The following WDR49 variants were observed in gnomAD, a reference collection of about 807,000 sequenced individuals.
WDR49 encodes the protein WD repeat domain 49, also known as cilia- and flagella-associated protein 337.
Under a neutral mutation model 119.5 loss-of-function variants are expected in WDR49, and 107 were observed. The observed-to-expected ratio is 0.90, with a 90% CI of 0.77 to 1.05. The LOEUF (loss-of-function observed/expected upper bound fraction) is 1.05, where lower values mean the gene tolerates loss of function less well. Ranked by LOEUF, WDR49 falls within the 50% of genes least tolerant of loss-of-function variation. The probability of loss-of-function intolerance (pLI) is 0.00; values close to 1 mark genes in which losing one functional copy is unlikely to be tolerated. For missense variants in WDR49, 1,240 were observed against 1,220.5 expected (o/e 1.02, Z -0.24); for synonymous variants, 425 against 418.8 (o/e 1.01, Z -0.18).
chr3:167,607,122 C>A (rs1438526876), intron 5 of WDR49, among the ~76,000 whole-genome samples: 2 of 152,156 alleles, frequency 1.3e-5, no homozygotes, highest in African/African-American at 4.8e-5. Flanking sequence ...TGGGGTAGGA[C>A]CACTCTAGAA....
chr3:167,615,295 T>G (rs1424735326), intron 5 of WDR49, among the ~76,000 whole-genome samples: 2 of 152,046 alleles, frequency 1.3e-5, no homozygotes, highest in Non-Finnish European at 2.9e-5. Context: ...GCCACCACAC[T>G]CAGCTAATTC....
intron 18 of WDR49, among the ~76,000 whole-genome samples, chr3:167,482,659 A>G (rs1417384497): frequency 6.6e-6 from 1 of 150,958 alleles, no homozygotes; most frequent in East Asian, 1.9e-4. Flanking sequence ...AGCCTGGGCG[A>G]CAGAACGAGA....
At chr3:167,641,051 C>T (rs1577296086) in intron 2 of WDR49, among the ~76,000 whole-genome samples, 2 of 151,898 alleles carry the variant, frequency 1.3e-5, no homozygotes, top group Non-Finnish European at 2.9e-5. Flanking sequence ...GAGTCTCAGG[C>T]ATGTGTTAAT....
At chr3:167,624,864 C>T (rs897848338) in intron 3 of WDR49, among the ~76,000 whole-genome samples, 1 of 152,046 alleles carries the variant, frequency 6.6e-6, no homozygotes, top group Non-Finnish European at 1.5e-5. Context: ...CAAAAAGGAA[C>T]TGGATCCAAT....
At chr3:167,522,541 T>G in intron 15 of WDR49, 57 bp from the exon 16 acceptor site, 4 of 1,526,026 alleles carry the variant, frequency 2.6e-6, no homozygotes, top group Non-Finnish European at 2.6e-6. Context: ...CTTCAAACAT[T>G]TACGTGTGTT....
At chr3:167,574,426 T>C (rs1443457200) in intron 8 of WDR49, among the ~76,000 whole-genome samples, 1 of 152,212 alleles carries the variant, frequency 6.6e-6, no homozygotes, top group African/African-American at 2.4e-5. Context: ...CATGTTTCTG[T>C]AACTCAGCAG....
chr3:167,531,375 T>C (rs1752849314), intron 12 of WDR49, 96 bp from the exon 13 acceptor site: 1 of 1,322,950 alleles, frequency 7.6e-7, no homozygotes, highest in Non-Finnish European at 1.0e-6. Flanking sequence ...TATCACTATA[T>C]CCATTGACTC....
chr3:167,515,737 C>T (rs554908721), intron 16 of WDR49, among the ~76,000 whole-genome samples: 12 of 152,246 alleles, frequency 7.9e-5, no homozygotes, highest in African/African-American at 2.9e-4. Flanking sequence ...ATCTAGAAAA[C>T]CATATTGACT....
At chr3:167,578,369 C>G (rs1232996777) in intron 7 of WDR49, among the ~76,000 whole-genome samples, 1 of 152,096 alleles carries the variant, frequency 6.6e-6, no homozygotes, top group Non-Finnish European at 1.5e-5. Context: ...TTAGAGATGG[C>G]CTTCTTTTAC....
intron 11 of WDR49, among the ~76,000 whole-genome samples, chr3:167,536,557 G>C (rs1399032642): frequency 1.3e-5 from 2 of 151,522 alleles, no homozygotes; most frequent in African/African-American, 4.9e-5. Context: ...GGGCGTGCCT[G>C]TGGTCCCAGC....
intron 5 of WDR49, among the ~76,000 whole-genome samples, chr3:167,605,487 G>GA (rs897400394): frequency 5.9e-5 from 9 of 151,402 alleles, no homozygotes; most frequent in African/African-American, 9.7e-5. Context: ...AAGATAATAA[G>GA]AAAAAAAACA....
chr3:167,535,054 A>G (rs1476333599), intron 11 of WDR49, among the ~76,000 whole-genome samples: 1 of 152,184 alleles, frequency 6.6e-6, no homozygotes, highest in African/African-American at 2.4e-5. Flanking sequence ...GATAATCTGA[A>G]CTATAAACCA....
chr3:167,505,251 C>T, intron 17 of WDR49, 56 bp downstream of exon 17: 2 of 1,348,868 alleles, frequency 1.5e-6, no homozygotes, highest in Non-Finnish European at 1.9e-6. Context: ...CATTTGTATT[C>T]ACACTAATCT....
intron 8 of WDR49, among the ~76,000 whole-genome samples, chr3:167,562,921 AAGTT>A (rs1413507141): frequency 8.5e-5 from 13 of 152,320 alleles, no homozygotes; most frequent in African/African-American, 2.9e-4. Flanking sequence ...TAAATCATAA[AAGTT>A]AGGTAGTGTT....
At chr3:167,522,171 G>A (rs1752474831) in intron 16 of WDR49, 144 bp downstream of exon 16, 8 of 641,190 alleles carry the variant, frequency 1.2e-5, no homozygotes, top group South Asian at 1.1e-4. Flanking sequence ...TCATTCATAC[G>A]CACCTACCAA....
intron 10 of WDR49, among the ~76,000 whole-genome samples, chr3:167,549,150 C>T (rs974347847): frequency 3.3e-5 from 5 of 152,158 alleles, no homozygotes; most frequent in African/African-American, 1.2e-4. Flanking sequence ...CCACAATAAA[C>T]ATACGTGCGC....
chr3:167,567,579 G>A (rs1205482481), intron 8 of WDR49, among the ~76,000 whole-genome samples: 2 of 152,124 alleles, frequency 1.3e-5, no homozygotes, highest in African/African-American at 2.4e-5. Flanking sequence ...GAGCCTTCCA[G>A]GCTTTCATGA....
intron 8 of WDR49, among the ~76,000 whole-genome samples, chr3:167,572,364 A>T (rs1161285969): frequency 6.6e-6 from 1 of 152,254 alleles, no homozygotes; most frequent in Non-Finnish European, 1.5e-5. Context: ...AGCTGCTTTT[A>T]TATAGGAATT....
chr3:167,481,066 C>CA (rs34399475), intron 18 of WDR49, among the ~76,000 whole-genome samples: 30,280 of 135,606 alleles, frequency 0.22, 3,341 homozygotes, highest in South Asian at 0.34. Context: ...ATATTTCAAG[C>CA]AAAAAAAAAA....
Sources: gnomAD v4.1 joint callset for allele counts (sites outside exome capture counted in the v4.1 genomes callset) on GRCh38, gnomAD v4.1.1 for gene constraint, MANE v1.5 for transcripts, NCBI Gene and HGNC (gene_info 2026-07-23, HGNC 2026-07-21) for gene names.